Variants in PSG3 observed in about 807,000 individuals in gnomAD.
PSG3 encodes pregnancy specific beta-1-glycoprotein 3.
A neutral mutation model predicts 47.5 loss-of-function variants in PSG3; 61 were observed. The observed-to-expected ratio is 1.28, with a 90% CI of 1.05 to 1.59. The LOEUF (loss-of-function observed/expected upper bound fraction) is 1.59, where lower values mean the gene tolerates loss of function less well. PSG3 is among the 40% of genes most tolerant of loss of function. The pLI, the probability that PSG3 is intolerant of heterozygous loss-of-function variation, is 0.00. For synonymous variants in PSG3, 263 were observed against 198.4 expected, an observed-to-expected ratio of 1.33 and a Z score of -2.74; for missense variants, 756 against 524.0, an observed-to-expected ratio of 1.44 and a Z score of -4.32.
chr19:42,736,181 G>C (rs895548227), intron 2 of PSG3, among the ~76,000 whole-genome samples: 1 of 152,210 alleles, frequency 6.6e-6, no homozygotes, highest in African/African-American at 2.4e-5. Flanking sequence ...TGTTGGCAGA[G>C]TTTTTATAAT....
intron 3 of PSG3, 44 bp from the exon 4 acceptor site, chr19:42,730,100 G>T: frequency 6.2e-7 from 1 of 1,602,232 alleles, no homozygotes; most frequent in Non-Finnish European, 8.5e-7. Context: ...TGGCACCTTT[G>T]ATTCCTCCAC....
intron 6 of PSG3, among the ~76,000 whole-genome samples, chr19:42,722,508 C>T (rs1969314977): frequency 6.6e-6 from 1 of 152,180 alleles, no homozygotes; most frequent in African/African-American, 2.4e-5. Flanking sequence ...CCCACCTCGG[C>T]CTCCCAAAGT....
intron 5 of PSG3, among the ~76,000 whole-genome samples, chr19:42,724,403 G>C (rs540721709): frequency 6.6e-6 from 1 of 152,244 alleles, no homozygotes; most frequent in African/African-American, 2.4e-5. Context: ...AGGTCTCCAT[G>C]GCAGAGACTT....
chr19:42,739,370 C>A (rs1969628237), intron 1 of PSG3: 10 of 440,664 alleles, frequency 2.3e-5, no homozygotes, highest in Admixed American at 7.6e-5. Flanking sequence ...CCGCACGGCC[C>A]CCTCCACACT....
intron 5 of PSG3, among the ~76,000 whole-genome samples, chr19:42,726,680 G>C (rs1969382941): frequency 6.6e-6 from 1 of 152,152 alleles, no homozygotes; most frequent in African/African-American, 2.4e-5. Flanking sequence ...TCATGAATTG[G>C]AAGACTCAAT....
Position 42,730,107 on chromosome 19 carries a change from C to A in PSG3, c.710-51G>T. On this transcript the variant is annotated intron_variant, in intron 3 of 6. Coordinates refer to ENST00000327495, the MANE Select transcript of PSG3 (RefSeq NM_021016.4). ...GTCCTGTGTGGCACCTTTGATTCCT[C>A]CACTGGCATCCTTCAATCAGAGTTG... is the stretch of plus-strand genomic sequence containing the variant. 2.5e-6 allele frequency: 4 copies of A among 1,600,348 alleles called. No individual in the cohort carries two copies. In the South Asian group the frequency reaches 4.5e-5, roughly 18 times the overall value.
In PSG3 at chr19:42,738,743, A is replaced by G; in HGVS notation, c.411T>C (p.His137=). ...RGDGTRGETG[H]FTFTLYLETP... ...ACTCACGGTATAAGGTGAAGGTGAA[A>G]TGTCCAGTTTCTCCTCTAGTCCCAT... is the stretch of plus-strand genomic sequence containing the variant. Residue 137 remains histidine (H), a synonymous_variant, in exon 2 of 7, where the codon CAT becomes CAC. Transcript: ENST00000327495. 1 of 1,613,882 alleles carries G rather than the reference A, an allele frequency of 6.2e-7. No homozygotes were observed. The highest frequency in any genetic ancestry group is 8.5e-7 in the Non-Finnish European group (1 of 1,179,830).
At position 42,738,764 on chromosome 19, in the gene PSG3, C is replaced by T. The variant is rs772531077; in HGVS notation, c.390G>A (p.Gly130=). 2 of 1,614,028 alleles carry T rather than the reference C, an allele frequency of 1.2e-6. No individual in the cohort carries two copies. Among genetic ancestry groups the T allele is most frequent in the Non-Finnish European group, 1.7e-6 (2 of 1,179,914 alleles). ...YTLHIVKRGD[G]TRGETGHFTF... ...TGAAATGTCCAGTTTCTCCTCTAGT[C>T]CCATCACCTCGCTTTACGATGTGTA... The change falls in exon 2 of 7, where the codon GGG becomes GGA. Residue 130 remains glycine (G), a synonymous_variant. Transcript: ENST00000327495.
At position 42,729,267 on chromosome 19, in the gene PSG3, T is replaced by C. The variant is rs200238055; in HGVS notation, c.1099A>G (p.Thr367Ala). Reference protein sequence around the residue: ...DSNPPAEYSWTINGKFQLSGQ... With the variant: ...DSNPPAEYSWAINGKFQLSGQ... Reference sequence around the variant, plus strand: ...GATAGCTGAAACTTCCCATTAATTGTCCAAGAATATTCTGCTGGTGGGTTA... The same window carrying C: ...GATAGCTGAAACTTCCCATTAATTGCCCAAGAATATTCTGCTGGTGGGTTA... The change falls in exon 5 of 7, where the codon ACA (threonine) becomes GCA (alanine). Residue 367 changes from threonine (T) to alanine (A), a missense_variant. By Grantham distance (58) the Thr-to-Ala change is moderately conservative. Coordinates refer to ENST00000327495, the MANE Select transcript of PSG3 (RefSeq NM_021016.4). 6.2e-7 allele frequency: 1 copy of C among 1,613,978 alleles called. No homozygotes were observed. Among genetic ancestry groups the C allele is most frequent in the Non-Finnish European group, 8.5e-7 (1 of 1,179,954 alleles).
chr19:42,727,991 T>C (rs865992131), intron 5 of PSG3, among the ~76,000 whole-genome samples: 1 of 152,208 alleles, frequency 6.6e-6, no homozygotes, highest in Admixed American at 6.5e-5. Flanking sequence ...ACCTTGAAGA[T>C]ATTATGCTAA....
intron 6 of PSG3, among the ~76,000 whole-genome samples, chr19:42,722,585 A>T (rs537623992): frequency 6.6e-6 from 1 of 152,248 alleles, no homozygotes; most frequent in East Asian, 1.9e-4. Flanking sequence ...ATTCCCATAA[A>T]TATTATTTAG....
chr19:42,737,045 A>C (rs1969575996), intron 2 of PSG3, among the ~76,000 whole-genome samples: 1 of 152,110 alleles, frequency 6.6e-6, no homozygotes, highest in Admixed American at 6.5e-5. Context: ...AGAGAAGCAG[A>C]GAGAGGCAGA....
chr19:42,732,443 C>G, intron 3 of PSG3: 1 of 471,126 alleles, frequency 2.1e-6, no homozygotes, highest in Non-Finnish European at 3.8e-6. Flanking sequence ...AAATCCTGGT[C>G]TGTGGAAGGG....
Position 42,723,104 on chromosome 19 carries a change from C to T in PSG3, c.*40+838G>A, listed in dbSNP as rs192813865. On this transcript the variant is annotated intron_variant, in intron 6 of 6. Transcript: ENST00000327495. The stretch of plus-strand genomic sequence containing the variant: ...CTGTCTTAGGCTTTATGTCTCCTGG[C>T]GTAGGGACCTTGCCTTCATCATTTC... 5.9e-5 allele frequency among the ~76,000 whole-genome samples: 9 copies of T among 152,258 alleles called. No homozygotes were observed. In the South Asian group the frequency reaches 6.2e-4, roughly 11 times the overall value.
intron 2 of PSG3, among the ~76,000 whole-genome samples, chr19:42,737,739 C>G (rs181892970): frequency 3.0e-4 from 45 of 152,276 alleles, no homozygotes; most frequent in African/African-American, 1.1e-3. Flanking sequence ...GCTCCAGACA[C>G]ACCTCATGTG....
intron 3 of PSG3, chr19:42,732,478 T>A: frequency 1.0e-5 from 6 of 588,836 alleles, no homozygotes; most frequent in Non-Finnish European, 1.7e-5. Context: ...TGAGCCAAGT[T>A]GCAACACTGA....
At chr19:42,732,462 AC>A in intron 3 of PSG3, 1 of 529,218 alleles carries the variant, frequency 1.9e-6, no homozygotes, top group South Asian at 2.3e-5. Context: ...GGCCACAGTG[AC>A]CCTGTGAGCC....
At chr19:42,739,901 T>C (rs1156546727) in intron 1 of PSG3, among the ~76,000 whole-genome samples, 2 of 152,086 alleles carry the variant, frequency 1.3e-5, no homozygotes, top group Admixed American at 6.5e-5. Context: ...GGGTGTATTT[T>C]CCCCTATCCA....
At chr19:42,731,142 T>C (rs1278004562) in intron 3 of PSG3, among the ~76,000 whole-genome samples, 1 of 152,290 alleles carries the variant, frequency 6.6e-6, no homozygotes, top group African/African-American at 2.4e-5. Context: ...GTGGGCAGTT[T>C]CAGTTATTCA....
Sources: gnomAD v4.1 joint callset for allele counts (sites outside exome capture counted in the v4.1 genomes callset) on GRCh38, gnomAD v4.1.1 for gene constraint, MANE v1.5 for transcripts, NCBI Gene and HGNC (gene_info 2026-07-23, HGNC 2026-07-21) for gene names.